The following HIVEP3 variants were observed in gnomAD, a reference collection of about 807,000 sequenced individuals.
The protein encoded by HIVEP3 is transcription factor HIVEP3.
HIVEP3 carries 49 observed loss-of-function variants against 152.8 expected under a neutral mutation model. That is an observed-to-expected ratio of 0.32 (90% CI 0.26 to 0.41). HIVEP3 has a LOEUF of 0.41. Ranked by LOEUF, HIVEP3 falls within the 10% of genes least tolerant of loss-of-function variation. HIVEP3 has a pLI of 1.00. For synonymous variants in HIVEP3, 1,269 were observed against 1,289.0 expected, an observed-to-expected ratio of 0.98 and a Z score of 0.33; for missense variants, 2,790 against 3,103.3, an observed-to-expected ratio of 0.90 and a Z score of 2.40.
At chr1:41,708,505 C>A (rs575065393) in intron 1 of HIVEP3, among the ~76,000 whole-genome samples, 2 of 152,168 alleles carry the variant, frequency 1.3e-5, no homozygotes, top group African/African-American at 2.4e-5. Context: ...CCTGACTCTG[C>A]GAGCTCATTC....
intron 1 of HIVEP3, among the ~76,000 whole-genome samples, chr1:41,760,064 T>G (rs1231473058): frequency 6.6e-6 from 1 of 152,128 alleles, no homozygotes; most frequent in Non-Finnish European, 1.5e-5. Context: ...TTCTAGCTAC[T>G]GGGGAGGCTG....
At chr1:41,526,569 TCACA>T (rs779021632) in intron 5 of HIVEP3, among the ~76,000 whole-genome samples, 1 of 30,402 alleles carries the variant, frequency 3.3e-5, no homozygotes, top group East Asian at 2.0e-3. Context: ...TCACACACCC[TCACA>T]CATACACCCC....
intron 1 of HIVEP3, among the ~76,000 whole-genome samples, chr1:41,857,941 C>T (rs905623590): frequency 6.6e-6 from 1 of 151,332 alleles, no homozygotes; most frequent in Non-Finnish European, 1.5e-5. Context: ...TTGGAGTTAG[C>T]CTCTCCAACT....
chr1:41,611,674 A>G (rs1395553219), intron 3 of HIVEP3, among the ~76,000 whole-genome samples: 1 of 152,248 alleles, frequency 6.6e-6, no homozygotes, highest in African/African-American at 2.4e-5. Flanking sequence ...TCAAGGAAGC[A>G]AGGGAAAACT....
chr1:42,014,410 G>A (rs1645510340), intron 1 of HIVEP3, among the ~76,000 whole-genome samples: 2 of 152,082 alleles, frequency 1.3e-5, no homozygotes, highest in Non-Finnish European at 2.9e-5. Flanking sequence ...AGGAGGTGGG[G>A]AAAAGGCAGA....
intron 3 of HIVEP3, among the ~76,000 whole-genome samples, chr1:41,611,061 T>C (rs547766036): frequency 6.6e-6 from 1 of 152,342 alleles, no homozygotes; most frequent in East Asian, 1.9e-4. Context: ...AAGAAGGCCG[T>C]AGGCTCAGGG....
chr1:41,772,582 G>T (rs916507260), intron 1 of HIVEP3, among the ~76,000 whole-genome samples: 1 of 152,184 alleles, frequency 6.6e-6, no homozygotes, highest in African/African-American at 2.4e-5. Context: ...CAGCAGACCC[G>T]ATGTGGAGAT....
chr1:41,986,194 A>G (rs933648134), intron 1 of HIVEP3, among the ~76,000 whole-genome samples: 1 of 152,238 alleles, frequency 6.6e-6, no homozygotes, highest in Non-Finnish European at 1.5e-5. Context: ...AATGTCTAAA[A>G]GATGAGAGCC....
intron 1 of HIVEP3, among the ~76,000 whole-genome samples, chr1:41,977,022 G>A (rs1444929915): frequency 6.6e-6 from 1 of 152,172 alleles, no homozygotes; most frequent in African/African-American, 2.4e-5. Context: ...TACAACAGCA[G>A]TACTCAACAT....
intron 1 of HIVEP3, among the ~76,000 whole-genome samples, chr1:41,946,661 GC>G (rs1196197080): frequency 6.6e-6 from 1 of 152,094 alleles, no homozygotes; most frequent in Non-Finnish European, 1.5e-5. Flanking sequence ...GCTGTCCCCT[GC>G]TTGAGGAAGG....
chr1:41,722,001 C>T (rs1355936667), intron 1 of HIVEP3, among the ~76,000 whole-genome samples: 1 of 152,214 alleles, frequency 6.6e-6, no homozygotes, highest in Non-Finnish European at 1.5e-5. Context: ...TCTCCATCAT[C>T]TCTGAAGACT....
chr1:42,016,567 A>G (rs1421567668), intron 1 of HIVEP3, among the ~76,000 whole-genome samples: 1 of 152,004 alleles, frequency 6.6e-6, no homozygotes, highest in Non-Finnish European at 1.5e-5. Context: ...GCACATAAAT[A>G]TTTTTGACTA....
At chr1:42,018,729 C>T (rs1645537474) in intron 1 of HIVEP3, among the ~76,000 whole-genome samples, 1 of 152,062 alleles carries the variant, frequency 6.6e-6, no homozygotes, top group Non-Finnish European at 1.5e-5. Context: ...CTAGAGAAAA[C>T]TCTAGACTCT....
intron 1 of HIVEP3, among the ~76,000 whole-genome samples, chr1:41,845,076 A>G (rs953101004): frequency 6.6e-6 from 1 of 152,116 alleles, no homozygotes; most frequent in Non-Finnish European, 1.5e-5. Flanking sequence ...CTTCGCATCT[A>G]TGCTCATAGG....
chr1:41,527,660 CTCACACAT>C (rs1643039113), intron 5 of HIVEP3, among the ~76,000 whole-genome samples: 1 of 133,362 alleles, frequency 7.5e-6, no homozygotes, highest in South Asian at 2.5e-4. Flanking sequence ...CACACCCGTT[CTCACACAT>C]TCACACATCC....
chr1:41,862,065 A>G (rs539296561), intron 1 of HIVEP3, among the ~76,000 whole-genome samples: 2 of 152,318 alleles, frequency 1.3e-5, no homozygotes, highest in South Asian at 2.1e-4. Context: ...TGGAGGTGGC[A>G]TCGTCAGACA....
intron 5 of HIVEP3, among the ~76,000 whole-genome samples, chr1:41,554,839 T>C (rs910706100): frequency 1.3e-5 from 2 of 152,166 alleles, no homozygotes; most frequent in Non-Finnish European, 2.9e-5. Flanking sequence ...ACAGCAAATA[T>C]TGCTGCCTGA....
rs757242642 is a variant in HIVEP3, at chr1:41,580,003, G to A, written c.4795C>T (p.His1599Tyr). 4.4e-5 allele frequency: 71 copies of A among 1,614,108 alleles called. No homozygotes were observed. Among genetic ancestry groups the A allele is most frequent in the Middle Eastern group, 1.6e-4 (1 of 6,084 alleles). Residue 1599 changes from histidine (H) to tyrosine (Y), a missense_variant, in exon 4 of 9, where the codon CAC becomes TAC. By Grantham distance (83) the His-to-Tyr change is moderately conservative (BLOSUM62 2). Coordinates refer to ENST00000372583, the MANE Select transcript of HIVEP3 (RefSeq NM_024503.5). ...CACCAACTGACATTAGTGGTTGTGT[G>A]GAGGCTGGGGAACTGCAGTACCTTC... ...SKKVLQFPSL[H>Y]TTTNVSWCYL... is the part of the protein sequence containing the mutation.
intron 2 of HIVEP3, among the ~76,000 whole-genome samples, chr1:41,642,174 A>C (rs996540503): frequency 2.0e-5 from 3 of 152,138 alleles, no homozygotes; most frequent in African/African-American, 7.2e-5. Flanking sequence ...TGCCCAGCCC[A>C]CCGATCCATA....
Sources: allele counts gnomAD v4.1 joint callset (sites outside exome capture counted in the v4.1 genomes callset), GRCh38; gene constraint gnomAD v4.1.1; transcripts MANE v1.5; gene names NCBI Gene and HGNC (gene_info 2026-07-23, HGNC 2026-07-21).